The following NCAM2 variants were observed in gnomAD, a reference collection of about 807,000 sequenced individuals.
The protein encoded by NCAM2 is neural cell adhesion molecule 2.
NCAM2 carries 30 observed loss-of-function variants against 98.1 expected under a neutral mutation model. That is an observed-to-expected ratio of 0.31 (90% CI 0.23 to 0.41). The LOEUF is 0.41. Among genes scored for constraint, NCAM2 ranks in the 10% least tolerant of loss-of-function variants. The pLI is 1.00. For synonymous variants in NCAM2, 368 were observed against 342.4 expected (o/e 1.07, Z -0.83); for missense variants, 867 against 1,005.8 (o/e 0.86, Z 1.87).
At chr21:21,102,663 A>T (rs894891590) in intron 1 of NCAM2, among the ~76,000 whole-genome samples, 1 of 3,532 alleles carries the variant, frequency 2.8e-4, no homozygotes, top group East Asian at 6.4e-3. Flanking sequence ...TTGTTAACAT[A>T]TGATTTTTTA....
In NCAM2 at chr21:21,538,652, C is replaced by CT. The variant is rs1167323384; in HGVS notation, c.*696dup. 6.6e-6 allele frequency: 1 copy of CT among 152,036 alleles called. No homozygotes were observed. The highest frequency in any genetic ancestry group is 1.5e-5 in the Non-Finnish European group (1 of 67,986). The allele number at this position is 152,036 out of a possible 1,614,324, so 9.4% of individuals were successfully genotyped here. On this transcript the variant is annotated 3_prime_UTR_variant, in exon 18 of 18. Coordinates refer to ENST00000400546, the MANE Select transcript of NCAM2 (RefSeq NM_004540.5). The stretch of plus-strand genomic sequence containing the variant: ...TAGATTAGAAAGACTTTCTAAATCT[C>CT]TATCTCTTTATATATGTCCTATTCA...
intron 1 of NCAM2, among the ~76,000 whole-genome samples, chr21:21,172,913 A>G (rs780824259): frequency 2.6e-5 from 4 of 152,112 alleles, no homozygotes; most frequent in Non-Finnish European, 5.9e-5. Flanking sequence ...AAAATAAAAT[A>G]TTTTTGTTTA....
chr21:21,227,335 A>G (rs1297406325), intron 1 of NCAM2, among the ~76,000 whole-genome samples: 3 of 151,872 alleles, frequency 2.0e-5, no homozygotes, highest in Admixed American at 2.0e-4. Context: ...GGTAGTTACT[A>G]TAAAAACATA....
At chr21:21,437,071 C>T (rs904231507) in intron 12 of NCAM2, among the ~76,000 whole-genome samples, 3 of 151,898 alleles carry the variant, frequency 2.0e-5, no homozygotes, top group Admixed American at 6.6e-5. Flanking sequence ...CACCACGCCT[C>T]GCCAGAAGCA....
At chr21:21,152,693 A>G (rs1228365813) in intron 1 of NCAM2, among the ~76,000 whole-genome samples, 6 of 151,930 alleles carry the variant, frequency 3.9e-5, no homozygotes, top group African/African-American at 1.4e-4. Context: ...TCAACAAATC[A>G]CTGTACTCTG....
chr21:21,325,141 C>T (rs1217492249), intron 6 of NCAM2, among the ~76,000 whole-genome samples: 3 of 151,964 alleles, frequency 2.0e-5, no homozygotes, highest in Admixed American at 6.6e-5. Context: ...AAATTGGAGA[C>T]GATGAACTTT....
At chr21:21,072,134 G>T (rs542100995) in intron 1 of NCAM2, among the ~76,000 whole-genome samples, 1 of 152,048 alleles carries the variant, frequency 6.6e-6, no homozygotes, top group Non-Finnish European at 1.5e-5. Flanking sequence ...GGATGGTCTC[G>T]ATCTCCTGAC....
intron 8 of NCAM2, among the ~76,000 whole-genome samples, chr21:21,366,238 C>T (rs554214220): frequency 3.3e-5 from 5 of 152,064 alleles, no homozygotes; most frequent in South Asian, 2.1e-4. Context: ...AGTTATTATA[C>T]GTCACATATT....
intron 15 of NCAM2, among the ~76,000 whole-genome samples, chr21:21,501,601 A>G (rs1987638909): frequency 1.5e-5 from 2 of 133,092 alleles, no homozygotes; most frequent in African/African-American, 2.8e-5. Context: ...TATGAAGCAT[A>G]CATGGATTAA....
intron 11 of NCAM2, among the ~76,000 whole-genome samples, chr21:21,430,932 G>T (rs1009757639): frequency 2.0e-5 from 3 of 150,962 alleles, no homozygotes; most frequent in Non-Finnish European, 4.4e-5. Context: ...TGTAGTCCCA[G>T]CTACTCTGGA....
intron 1 of NCAM2, among the ~76,000 whole-genome samples, chr21:21,119,787 A>G (rs937586018): frequency 6.6e-6 from 1 of 152,246 alleles, no homozygotes; most frequent in Non-Finnish European, 1.5e-5. Context: ...AAAATAAGTA[A>G]TTCTAAATGA....
chr21:21,222,713 G>T (rs2070220076), intron 1 of NCAM2, among the ~76,000 whole-genome samples: 1 of 152,146 alleles, frequency 6.6e-6, no homozygotes, highest in African/African-American at 2.4e-5. Flanking sequence ...GTCTACACCT[G>T]GTGAAGATGC....
chr21:21,434,130 C>G (rs537010510), intron 12 of NCAM2, among the ~76,000 whole-genome samples: 45 of 152,180 alleles, frequency 3.0e-4, no homozygotes, highest in Non-Finnish European at 5.7e-4. Flanking sequence ...AGGCAGATCA[C>G]TATGTTTATA....
chr21:21,472,707 C>T (rs891850297), intron 14 of NCAM2, among the ~76,000 whole-genome samples: 1 of 151,786 alleles, frequency 6.6e-6, no homozygotes. Flanking sequence ...AAAAAATGCA[C>T]TGCCAATGTT....
At chr21:21,279,711 T>G (rs1053346713) in intron 1 of NCAM2, among the ~76,000 whole-genome samples, 1 of 152,112 alleles carries the variant, frequency 6.6e-6, no homozygotes, top group Admixed American at 6.6e-5. Context: ...GTAGTCTGTG[T>G]TCACTGAAAT....
intron 15 of NCAM2, among the ~76,000 whole-genome samples, chr21:21,503,733 G>A (rs1322146150): frequency 6.6e-6 from 1 of 151,868 alleles, no homozygotes; most frequent in East Asian, 1.9e-4. Flanking sequence ...AGAAGATATG[G>A]GGAAACAGAT....
chr21:21,102,081 T>C (rs780685659), intron 1 of NCAM2, among the ~76,000 whole-genome samples: 1 of 152,020 alleles, frequency 6.6e-6, no homozygotes, highest in South Asian at 2.1e-4. Context: ...TCTGTCTTCC[T>C]GAGTGTCTGA....
intron 1 of NCAM2, among the ~76,000 whole-genome samples, chr21:21,207,570 A>G (rs2069490248): frequency 6.6e-6 from 1 of 152,044 alleles, no homozygotes; most frequent in South Asian, 2.1e-4. Context: ...TAAGGTCCTG[A>G]CTATTGGGAA....
chr21:21,054,284 A>G (rs1817186693), intron 1 of NCAM2, among the ~76,000 whole-genome samples: 2 of 152,132 alleles, frequency 1.3e-5, no homozygotes, highest in Admixed American at 6.5e-5. Flanking sequence ...GGTTGTCACC[A>G]CACAGTACAG....
Sources: allele counts gnomAD v4.1 joint callset (sites outside exome capture counted in the v4.1 genomes callset), GRCh38; gene constraint gnomAD v4.1.1; transcripts MANE v1.5; gene names NCBI Gene and HGNC (gene_info 2026-07-23, HGNC 2026-07-21).